The following FHOD3 variants were observed in gnomAD, a reference collection of about 807,000 sequenced individuals.
FHOD3 encodes the protein FH1/FH2 domain-containing protein 3.
Under a neutral mutation model 173.0 loss-of-function variants are expected in FHOD3, and 90 were observed. That is an observed-to-expected ratio of 0.52 (90% confidence interval 0.44 to 0.62). The LOEUF (loss-of-function observed/expected upper bound fraction) is 0.62. Among genes scored for constraint, FHOD3 ranks in the 20% least tolerant of loss-of-function variants. FHOD3 has a pLI of 0.00. For missense variants in FHOD3, 1,945 were observed against 2,034.7 expected (o/e 0.96, Z 0.85); for synonymous variants, 828 against 823.0 (o/e 1.01, Z -0.10).
intron 14 of FHOD3, among the ~76,000 whole-genome samples, chr18:36,667,201 C>G (rs146223511): frequency 2.6e-4 from 39 of 152,194 alleles, no homozygotes; most frequent in African/African-American, 8.9e-4. Flanking sequence ...GCTTTCATTT[C>G]TCTTGGGTAA....
intron 5 of FHOD3, among the ~76,000 whole-genome samples, chr18:36,562,021 GTATT>G (rs1389633356): frequency 4.6e-5 from 6 of 131,062 alleles, no homozygotes; most frequent in African/African-American, 1.4e-4. Context: ...GTATTGTATT[GTATT>G]GTATTTTTTG....
chr18:36,551,803 T>C (rs1051061767), intron 5 of FHOD3, among the ~76,000 whole-genome samples: 1 of 152,188 alleles, frequency 6.6e-6, no homozygotes, highest in Non-Finnish European at 1.5e-5. Context: ...GATCAGATGG[T>C]TGTAGATTTG....
At position 36,647,245 on chromosome 18, in the gene FHOD3, A is replaced by G. The variant is rs988843556; in HGVS notation, c.1197-2071A>G. On this transcript the variant is annotated intron_variant, in intron 10 of 28. Coordinates refer to ENST00000590592, the MANE Select transcript of FHOD3 (RefSeq NM_001281740.3). Reference sequence around the variant, plus strand: ...AACAAGAGCAAAACTTTGTCTTCAAAAACACACTTCTTCAAATACAAAAAA... The same window carrying G: ...AACAAGAGCAAAACTTTGTCTTCAAGAACACACTTCTTCAAATACAAAAAA... 7.2e-5 allele frequency among the ~76,000 whole-genome samples: 11 copies of G among 152,326 alleles called. No homozygotes were observed. In the East Asian group the frequency reaches 1.5e-3, roughly 21 times the overall value.
intron 3 of FHOD3, among the ~76,000 whole-genome samples, chr18:36,418,286 A>C (rs2049782725): frequency 6.6e-6 from 1 of 152,186 alleles, no homozygotes; most frequent in Non-Finnish European, 1.5e-5. Flanking sequence ...TCTGAAAAGG[A>C]ATTTTTTAGA....
intron 11 of FHOD3, among the ~76,000 whole-genome samples, chr18:36,651,174 C>G (rs1031474140): frequency 6.6e-6 from 1 of 152,256 alleles, no homozygotes; most frequent in South Asian, 2.1e-4. Flanking sequence ...CAGCTCGCTA[C>G]AGCATGTCCA....
At chr18:36,716,906 ATATGTG>A (rs958336479) in intron 18 of FHOD3, among the ~76,000 whole-genome samples, 2 of 144,140 alleles carry the variant, frequency 1.4e-5, no homozygotes, top group African/African-American at 2.8e-5. Context: ...GGGAAATTAT[ATATGTG>A]TATGTGTGTG....
At chr18:36,642,469 A>C (rs2035385295) in intron 10 of FHOD3, among the ~76,000 whole-genome samples, 1 of 151,476 alleles carries the variant, frequency 6.6e-6, no homozygotes, top group Non-Finnish European at 1.5e-5. Flanking sequence ...AATACAAAAA[A>C]TTAGCCGGGC....
At chr18:36,385,484 C>T (rs1010028480) in intron 3 of FHOD3, among the ~76,000 whole-genome samples, 4 of 151,154 alleles carry the variant, frequency 2.6e-5, no homozygotes, top group Non-Finnish European at 4.4e-5. Flanking sequence ...GTAACCTCCA[C>T]CTCCCAGGTT....
Position 36,709,203 on chromosome 18 carries a change from G to A in FHOD3, c.2345G>A (p.Gly782Asp). The A allele has an allele frequency of 1.9e-6, 3 of 1,614,192 alleles. No individual in the cohort carries two copies. The highest frequency in any genetic ancestry group is 2.5e-6 in the Non-Finnish European group (3 of 1,180,042). ...CAGGACATAGCCTCTGCCCACGAGG[G>A]TGCAGAGACTGAAGTGGAGCAGGCA... is the stretch of plus-strand genomic sequence containing the variant. ...AGQDIASAHE[G>D]AETEVEQALE... Residue 782 changes from glycine (G) to aspartate (D), a missense_variant, in exon 18 of 29, where the codon GGT (glycine) becomes GAT (aspartate). This residue lies in a region of FHOD3 where 1,099 missense variants were observed against 1,051.2 expected (regional missense o/e 1.05). Coordinates refer to ENST00000590592, the MANE Select transcript of FHOD3 (RefSeq NM_001281740.3).
At chr18:36,624,876 C>T (rs1260741407) in intron 9 of FHOD3, among the ~76,000 whole-genome samples, 1 of 152,226 alleles carries the variant, frequency 6.6e-6, no homozygotes, top group Non-Finnish European at 1.5e-5. Flanking sequence ...TGTTTGCAAG[C>T]TTCTGGTAAA....
chr18:36,736,387 C>T (rs1247980555), intron 20 of FHOD3, among the ~76,000 whole-genome samples: 2 of 152,172 alleles, frequency 1.3e-5, no homozygotes, highest in Admixed American at 6.5e-5. Flanking sequence ...CAGCCTTTAG[C>T]GCCCGCATCT....
At chr18:36,585,028 A>T (rs1267727574) in intron 6 of FHOD3, among the ~76,000 whole-genome samples, 1 of 152,172 alleles carries the variant, frequency 6.6e-6, no homozygotes, top group East Asian at 1.9e-4. Flanking sequence ...TATTATAAGC[A>T]TTTCCTTTGT....
intron 3 of FHOD3, among the ~76,000 whole-genome samples, chr18:36,475,033 A>ACACT (rs749397881): frequency 3.8e-4 from 15 of 39,162 alleles, no homozygotes; most frequent in Non-Finnish European, 5.8e-4. Flanking sequence ...ACACACACAC[A>ACACT]CTCTGCAAAA....
Position 36,362,896 on chromosome 18 carries a change from G to A in FHOD3, c.272+7251G>A, listed in dbSNP as rs193087728. Among the ~76,000 whole-genome samples, 93 of 152,296 alleles carry A rather than the reference G, an allele frequency of 6.1e-4. 1 individual carries two copies. Among genetic ancestry groups the A allele is most frequent in the South Asian group, 2.1e-3 (10 of 4,826 alleles). On this transcript the variant is annotated intron_variant, in intron 2 of 28. Coordinates refer to ENST00000590592, the MANE Select transcript of FHOD3 (RefSeq NM_001281740.3). ...GACTGGGAGAAAATATTTGCAAAAC[G>A]TATCTGATGGAGTACAAGTATCCAA... is the stretch of plus-strand genomic sequence containing the variant.
At chr18:36,567,876 A>G (rs2058320368) in intron 5 of FHOD3, among the ~76,000 whole-genome samples, 1 of 151,780 alleles carries the variant, frequency 6.6e-6, no homozygotes, top group East Asian at 1.9e-4. Flanking sequence ...GGCACCTAAA[A>G]CTCTGAGGAG....
rs115971345 is a variant in FHOD3, at chr18:36,586,007, T to C, written c.607-8780T>C. Among the ~76,000 whole-genome samples, 899 of 152,198 alleles carry C rather than the reference T, an allele frequency of 5.9e-3. 6 individuals carry two copies. The highest frequency in any genetic ancestry group is 0.021 in the African/African-American group (874 of 41,526). ...ACTCTAGCCCCCATCTGCCAGCCCT[T>C]CTCCCCCTACTCCAAAGAGATGTGA... On this transcript the variant is annotated intron_variant, in intron 6 of 28. Coordinates refer to ENST00000590592, the MANE Select transcript of FHOD3 (RefSeq NM_001281740.3).
chr18:36,666,677 G>A (rs2037202518), intron 14 of FHOD3, among the ~76,000 whole-genome samples: 1 of 152,150 alleles, frequency 6.6e-6, no homozygotes, highest in African/African-American at 2.4e-5. Context: ...TACCAGAGAT[G>A]ATAATTTACT....
At chr18:36,751,094 A>G (rs1447330906) in intron 24 of FHOD3, among the ~76,000 whole-genome samples, 1 of 152,182 alleles carries the variant, frequency 6.6e-6, no homozygotes, top group African/African-American at 2.4e-5. Context: ...TAATGACACT[A>G]ATCCTTCCAA....
intron 1 of FHOD3, among the ~76,000 whole-genome samples, chr18:36,309,228 A>C (rs951598776): frequency 1.3e-5 from 2 of 152,078 alleles, no homozygotes; most frequent in Non-Finnish European, 2.9e-5. Flanking sequence ...TACTGTTCCT[A>C]AGCCTTGTTT....
Sources: gnomAD v4.1 joint callset for allele counts (sites outside exome capture counted in the v4.1 genomes callset) on GRCh38, gnomAD v4.1.1 for gene constraint, gnomAD v4.1.1 regional missense constraint, MANE v1.5 for transcripts, NCBI Gene and HGNC (gene_info 2026-07-23, HGNC 2026-07-21) for gene names.